Variants in PRKCE observed in about 807,000 individuals in gnomAD.
The protein encoded by PRKCE is protein kinase C epsilon.
Under a neutral mutation model 85.4 loss-of-function variants are expected in PRKCE, and 16 were observed. The observed-to-expected ratio is 0.19, with a 90% CI of 0.13 to 0.28. PRKCE has a LOEUF of 0.28. Among genes scored for constraint, PRKCE ranks in the 10% least tolerant of loss-of-function variants. The probability of loss-of-function intolerance (pLI) is 1.00; values close to 1 mark genes in which losing one functional copy is unlikely to be tolerated. For missense variants in PRKCE, 573 were observed against 975.2 expected, an observed-to-expected ratio of 0.59 and a Z score of 5.49; for synonymous variants, 388 against 371.5, an observed-to-expected ratio of 1.04 and a Z score of -0.51.
At chr2:45,954,287 A>G (rs1700827581) in intron 2 of PRKCE, among the ~76,000 whole-genome samples, 1 of 152,236 alleles carries the variant, frequency 6.6e-6, no homozygotes, top group South Asian at 2.1e-4. Context: ...TTATCACTAA[A>G]TATTGGAGTC....
intron 1 of PRKCE, among the ~76,000 whole-genome samples, chr2:45,766,807 A>G (rs747152127): frequency 6.6e-6 from 1 of 152,238 alleles, no homozygotes; most frequent in African/African-American, 2.4e-5. Flanking sequence ...TGGGAGGCCA[A>G]GGTGGGAGGA....
rs568976136 is a variant in PRKCE at position 45,777,937 on chromosome 2, G to A, written c.349-65063G>A. Among the ~76,000 whole-genome samples, 161 of 152,190 alleles carry A rather than the reference G, an allele frequency of 1.1e-3. 1 individual carries two copies. The highest frequency in any genetic ancestry group is 1.6e-3 in the Non-Finnish European group (109 of 68,004). The stretch of plus-strand genomic sequence containing the variant: ...AGATGGAACAGAATGCAGGCCCCAG[G>A]GACTCAAAGTCATTTTTCAGCATGG... On this transcript the variant is annotated intron_variant, in intron 1 of 14. Transcript: ENST00000306156.
At chr2:45,767,278 T>TA (rs146270396) in intron 1 of PRKCE, among the ~76,000 whole-genome samples, 10,098 of 152,220 alleles carry the variant, frequency 0.066, 376 homozygotes, top group Non-Finnish European at 0.08. Context: ...TGAAACTTTT[T>TA]AAAAAAAGGA....
At chr2:45,707,240 C>G in intron 1 of PRKCE, among the ~76,000 whole-genome samples, 1 of 152,206 alleles carries the variant, frequency 6.6e-6, no homozygotes, top group East Asian at 1.9e-4. Flanking sequence ...GCAGCCCAGG[C>G]CTGTGCATCA....
At chr2:45,661,536 T>TGTTTTTTTTTTTTTG (rs200768632) in intron 1 of PRKCE, among the ~76,000 whole-genome samples, 21 of 137,478 alleles carry the variant, frequency 1.5e-4, no homozygotes, top group African/African-American at 5.7e-4. Flanking sequence ...TTTTGTTTTT[T>TGTTTTTTTTTTTTTG]TTTTTTTTTT....
At chr2:46,105,730 G>A (rs1375415445) in intron 11 of PRKCE, among the ~76,000 whole-genome samples, 3 of 152,170 alleles carry the variant, frequency 2.0e-5, no homozygotes, top group Non-Finnish European at 4.4e-5. Context: ...GAGGTGGTTA[G>A]CATCACATGG....
chr2:45,699,151 TC>T (rs1678404775), intron 1 of PRKCE, among the ~76,000 whole-genome samples: 2 of 151,998 alleles, frequency 1.3e-5, no homozygotes, highest in South Asian at 4.2e-4. Flanking sequence ...TGCCCCCAAC[TC>T]CCTCCTGTCC....
intron 12 of PRKCE, among the ~76,000 whole-genome samples, chr2:46,149,104 A>G (rs757572560): frequency 2.0e-4 from 31 of 152,174 alleles, no homozygotes; most frequent in Non-Finnish European, 3.1e-4. Context: ...TTCTATCCAA[A>G]TCTTTCTAGT....
chr2:45,874,140 G>A (rs1389040183), intron 2 of PRKCE, among the ~76,000 whole-genome samples: 1 of 152,238 alleles, frequency 6.6e-6, no homozygotes, highest in African/African-American at 2.4e-5. Context: ...GTCACACCAT[G>A]TAGGTAACTT....
intron 1 of PRKCE, among the ~76,000 whole-genome samples, chr2:45,831,702 T>G (rs1029752899): frequency 1.3e-4 from 20 of 152,176 alleles, no homozygotes; most frequent in African/African-American, 4.8e-4. Flanking sequence ...GCATACACAT[T>G]TTATTTAGGG....
intron 11 of PRKCE, among the ~76,000 whole-genome samples, chr2:46,133,297 C>A (rs918455341): frequency 4.6e-5 from 7 of 152,102 alleles, no homozygotes; most frequent in African/African-American, 9.7e-5. Flanking sequence ...ATCACTGGGC[C>A]CAAAAGAGGT....
chr2:45,804,223 C>T (rs1280163942), intron 1 of PRKCE, among the ~76,000 whole-genome samples: 1 of 152,166 alleles, frequency 6.6e-6, no homozygotes, highest in Non-Finnish European at 1.5e-5. Flanking sequence ...GCCAAGGGCT[C>T]CAGTAGGAGC....
chr2:45,667,247 G>T (rs1239690201), intron 1 of PRKCE, among the ~76,000 whole-genome samples: 1 of 151,694 alleles, frequency 6.6e-6, no homozygotes, highest in Non-Finnish European at 1.5e-5. Flanking sequence ...GGAGGGGGAG[G>T]TTGCGGTGAG....
rs1676587596 is a variant in PRKCE at position 46,151,239 on chromosome 2, TGC to T, written c.1920+11_1920+12del. The T allele has an allele frequency of 1.3e-6, 2 of 1,591,588 alleles. No homozygotes were observed. Among genetic ancestry groups the T allele is most frequent in the Admixed American group, 3.4e-5 (2 of 59,628 alleles). Reference sequence around the variant, plus strand: ...CAGCATCTTGAAAGCTGTGAGTCACTGCCCCTCACCCATGGCTGTGCTCTCCT... The same window carrying T: ...CAGCATCTTGAAAGCTGTGAGTCACTCCCTCACCCATGGCTGTGCTCTCCT... On this transcript the variant is annotated intron_variant, in intron 13 of 14. Coordinates refer to ENST00000306156, the MANE Select transcript of PRKCE (RefSeq NM_005400.3).
chr2:45,663,725 G>T (rs550465702), intron 1 of PRKCE, among the ~76,000 whole-genome samples: 1 of 152,222 alleles, frequency 6.6e-6, no homozygotes, highest in East Asian at 1.9e-4. Context: ...GGAAGTTGCA[G>T]TGAGCCGATG....
In PRKCE at chr2:46,010,344, G is replaced by T; in HGVS notation, c.1264G>T (p.Val422Phe). ...KVLGKGSFGK[V>F]MLAELKGKDE... ...GATGGAGGCAATTGATTGATTGCAGGTCATGTTGGCAGAACTCAAGGGCAA... is the reference window on the plus strand; with the variant it reads ...GATGGAGGCAATTGATTGATTGCAGTTCATGTTGGCAGAACTCAAGGGCAA... The change falls in exon 10 of 15, where the codon GTC becomes TTC. Residue 422 changes from valine (V) to phenylalanine (F), a missense_variant and splice_region_variant. This residue lies in a region of PRKCE where 89 missense variants were observed against 154.1 expected (regional missense o/e 0.58). Coordinates refer to ENST00000306156, the MANE Select transcript of PRKCE (RefSeq NM_005400.3). 6.3e-7 allele frequency: 1 copy of T among 1,590,862 alleles called. No homozygotes were observed. The highest frequency in any genetic ancestry group is 8.5e-7 in the Non-Finnish European group (1 of 1,173,364).
At chr2:45,657,951 T>A (rs948568966) in intron 1 of PRKCE, among the ~76,000 whole-genome samples, 16 of 152,256 alleles carry the variant, frequency 1.1e-4, no homozygotes, top group African/African-American at 3.9e-4. Context: ...GCAGGACCCC[T>A]GCTGCATCTC....
chr2:45,952,660 C>T (rs538087192), intron 2 of PRKCE, among the ~76,000 whole-genome samples: 1 of 152,212 alleles, frequency 6.6e-6, no homozygotes, highest in African/African-American at 2.4e-5. Context: ...TTCAAAAGCA[C>T]TCACCACAGG....
At chr2:45,867,536 G>A (rs1184161692) in intron 2 of PRKCE, among the ~76,000 whole-genome samples, 2 of 152,146 alleles carry the variant, frequency 1.3e-5, no homozygotes, top group African/African-American at 4.8e-5. Flanking sequence ...GCTTTTATTT[G>A]GGGGAATTTT....
Sources: gnomAD v4.1 joint callset for allele counts (sites outside exome capture counted in the v4.1 genomes callset) on GRCh38, gnomAD v4.1.1 for gene constraint, gnomAD v4.1.1 regional missense constraint, MANE v1.5 for transcripts, NCBI Gene and HGNC (gene_info 2026-07-23, HGNC 2026-07-21) for gene names.